The following KIAA0825 variants were observed in gnomAD, a reference collection of about 807,000 sequenced individuals.
KIAA0825 encodes the protein KIAA0825.
In KIAA0825, 119 loss-of-function variants were observed where a neutral mutation model predicts 147.6. That is an observed-to-expected ratio of 0.81 (90% CI 0.69 to 0.94). KIAA0825 has a LOEUF of 0.94. KIAA0825 is among the 40% of genes least tolerant of loss of function. The pLI is 0.00. For synonymous variants in KIAA0825, 470 were observed against 518.1 expected, an observed-to-expected ratio of 0.91 and a Z score of 1.26; for missense variants, 1,381 against 1,472.7, an observed-to-expected ratio of 0.94 and a Z score of 1.02.
At chr5:94,327,434 A>C (rs1007170321) in intron 20 of KIAA0825, among the ~76,000 whole-genome samples, 1 of 151,900 alleles carries the variant, frequency 6.6e-6, no homozygotes, top group Admixed American at 6.6e-5. Context: ...ACTCATTTCT[A>C]TCTCTTCATC....
At chr5:94,227,578 A>T (rs1034613221) in intron 20 of KIAA0825, among the ~76,000 whole-genome samples, 1 of 151,528 alleles carries the variant, frequency 6.6e-6, no homozygotes, top group African/African-American at 2.4e-5. Flanking sequence ...AAGAAAATGT[A>T]CAGTCAGGAA....
chr5:94,193,772 A>T (rs1770884531), intron 20 of KIAA0825, among the ~76,000 whole-genome samples: 1 of 152,240 alleles, frequency 6.6e-6, no homozygotes, highest in Admixed American at 6.5e-5. Context: ...GAAATGGAAG[A>T]GACTGGATTC....
intron 20 of KIAA0825, among the ~76,000 whole-genome samples, chr5:94,200,394 ACT>A (rs1218188676): frequency 2.0e-5 from 3 of 150,598 alleles, no homozygotes; most frequent in Non-Finnish European, 4.4e-5. Context: ...TCCTCTATCC[ACT>A]CTCAATGCCT....
At chr5:94,348,103 G>T (rs2150354696) in intron 20 of KIAA0825, among the ~76,000 whole-genome samples, 1 of 152,080 alleles carries the variant, frequency 6.6e-6, no homozygotes, top group East Asian at 1.9e-4. Flanking sequence ...AAAGAAAAAA[G>T]AATAAGAAAA....
chr5:94,519,763 T>C (rs2151204874), intron 5 of KIAA0825: 2 of 825,994 alleles, frequency 2.4e-6, no homozygotes, highest in East Asian at 1.2e-4. Context: ...AAATTCTTTT[T>C]ACCTAATAAT....
intron 12 of KIAA0825, among the ~76,000 whole-genome samples, chr5:94,453,339 A>ATTTTTTTTT (rs563316235): frequency 9.3e-5 from 11 of 118,236 alleles, no homozygotes; most frequent in South Asian, 2.8e-4. Context: ...CGTGTGGCTG[A>ATTTTTTTTT]TTTTTTTTTT....
intron 20 of KIAA0825, among the ~76,000 whole-genome samples, chr5:94,265,555 T>C (rs1225168489): frequency 2.6e-5 from 4 of 152,244 alleles, no homozygotes; most frequent in African/African-American, 9.6e-5. Flanking sequence ...TCCCAACACT[T>C]TGGGAGGCTG....
intron 20 of KIAA0825, among the ~76,000 whole-genome samples, chr5:94,264,874 C>T (rs1160970048): frequency 6.6e-6 from 1 of 151,808 alleles, no homozygotes; most frequent in Admixed American, 6.6e-5. Context: ...CCTCTGCCTC[C>T]CAGGTACAAG....
chr5:94,331,838 T>C (rs1781300177), intron 20 of KIAA0825, among the ~76,000 whole-genome samples: 1 of 151,966 alleles, frequency 6.6e-6, no homozygotes, highest in African/African-American at 2.4e-5. Flanking sequence ...TTAAAAACAA[T>C]AAACACACAC....
intron 20 of KIAA0825, among the ~76,000 whole-genome samples, chr5:94,381,257 T>C (rs1428220450): frequency 6.6e-6 from 1 of 152,218 alleles, no homozygotes; most frequent in Admixed American, 6.5e-5. Flanking sequence ...TTTCCTTACC[T>C]GACTAGACAC....
chr5:94,602,069 G>C (rs912050472), intron 1 of KIAA0825, among the ~76,000 whole-genome samples: 4 of 152,162 alleles, frequency 2.6e-5, no homozygotes, highest in African/African-American at 7.2e-5. Flanking sequence ...CCATGAGAAG[G>C]CTGGGCGAGG....
chr5:94,180,674 C>A (rs532165931), intron 20 of KIAA0825, among the ~76,000 whole-genome samples: 1 of 152,040 alleles, frequency 6.6e-6, no homozygotes, highest in Non-Finnish European at 1.5e-5. Flanking sequence ...TTAAGGTCAG[C>A]CTAATTTTTG....
chr5:94,500,954 T>G (rs1765006105), intron 5 of KIAA0825, among the ~76,000 whole-genome samples: 1 of 152,062 alleles, frequency 6.6e-6, no homozygotes, highest in Non-Finnish European at 1.5e-5. Context: ...ATTTTTTGTA[T>G]TTTGAGTAGA....
intron 5 of KIAA0825, among the ~76,000 whole-genome samples, chr5:94,502,277 T>C (rs964760194): frequency 6.6e-6 from 1 of 152,178 alleles, no homozygotes; most frequent in South Asian, 2.1e-4. Flanking sequence ...AAAATTAATA[T>C]TTTTCTAAAT....
intron 20 of KIAA0825, among the ~76,000 whole-genome samples, chr5:94,191,263 ATT>A (rs1184002726): frequency 6.6e-6 from 1 of 152,172 alleles, no homozygotes; most frequent in African/African-American, 2.4e-5. Flanking sequence ...CTGTGATTAA[ATT>A]TAGCTGTAGT....
intron 20 of KIAA0825, among the ~76,000 whole-genome samples, chr5:94,223,082 C>T (rs1377537495): frequency 6.6e-6 from 1 of 152,122 alleles, no homozygotes; most frequent in East Asian, 1.9e-4. Flanking sequence ...ATCCTTGGAC[C>T]TACATCTCCA....
intron 15 of KIAA0825, chr5:94,415,383 G>A (rs1753314621): frequency 6.6e-6 from 1 of 152,040 alleles, no homozygotes; most frequent in Non-Finnish European, 1.5e-5. Flanking sequence ...TGTATTACTT[G>A]TAACAATGTT....
At chr5:94,190,448 C>T (rs2149999092) in intron 20 of KIAA0825, among the ~76,000 whole-genome samples, 2 of 151,592 alleles carry the variant, frequency 1.3e-5, no homozygotes, top group African/African-American at 4.8e-5. Flanking sequence ...GCCTCAGCCT[C>T]CTGAGTAGGT....
intron 2 of KIAA0825, among the ~76,000 whole-genome samples, chr5:94,554,746 A>G (rs1333474994): frequency 1.5e-5 from 2 of 134,336 alleles, no homozygotes; most frequent in African/African-American, 5.7e-5. Context: ...ATATATATAT[A>G]TATATATATA....
Sources: allele counts gnomAD v4.1 joint callset (sites outside exome capture counted in the v4.1 genomes callset), GRCh38; gene constraint gnomAD v4.1.1; transcripts MANE v1.5; gene names NCBI Gene and HGNC (gene_info 2026-07-23, HGNC 2026-07-21).